Variants in ATL3 observed in about 807,000 individuals in gnomAD.
ATL3 encodes atlastin GTPase 3.
A neutral mutation model predicts 69.5 loss-of-function variants in ATL3; 49 were observed. The observed-to-expected ratio is 0.71, with a 90% CI of 0.56 to 0.89. The LOEUF is 0.89. Ranked by LOEUF, ATL3 falls within the 40% of genes least tolerant of loss-of-function variation. The probability of loss-of-function intolerance (pLI) is 0.00; values close to 1 mark genes in which losing one functional copy is unlikely to be tolerated. For synonymous variants in ATL3, 214 were observed against 224.1 expected, an observed-to-expected ratio of 0.95 and a Z score of 0.40; for missense variants, 606 against 645.7, an observed-to-expected ratio of 0.94 and a Z score of 0.67.
At chr11:63,639,389 G>C (rs1007651518) in intron 8 of ATL3, among the ~76,000 whole-genome samples, 2 of 152,166 alleles carry the variant, frequency 1.3e-5, no homozygotes, top group African/African-American at 4.8e-5. Flanking sequence ...ACAGAGGGCA[G>C]GCTTTTAACA....
chr11:63,656,566 T>C (rs1209583764), intron 3 of ATL3, among the ~76,000 whole-genome samples: 1 of 151,278 alleles, frequency 6.6e-6, no homozygotes, highest in African/African-American at 2.4e-5. Flanking sequence ...AAACCCCGTC[T>C]CTACTAAAAA....
At chr11:63,671,560 A>T, upstream of ATL3, 1 of 1,423,922 alleles carries the variant, frequency 7.0e-7, no homozygotes, top group Non-Finnish European at 9.2e-7. Context: ...AGGCTAGGCG[A>T]GGCGGGGCGG....
chr11:63,649,422 G>A (rs891747107), intron 5 of ATL3, among the ~76,000 whole-genome samples: 2 of 151,696 alleles, frequency 1.3e-5, no homozygotes, highest in Non-Finnish European at 2.9e-5. Context: ...GGGATTACAC[G>A]CATGACCCAC....
chr11:63,659,202 G>A lies in ATL3; in HGVS notation c.97C>T (p.Gln33Ter), dbSNP rs764366377. 1.2e-6 allele frequency: 2 copies of A among 1,614,018 alleles called. No individual in the cohort carries two copies. Among genetic ancestry groups the A allele is most frequent in the Non-Finnish European group, 1.7e-6 (2 of 1,180,000 alleles). The change falls in exon 2 of 13, where the codon CAG becomes TAG. Residue 33 changes from glutamine to a stop codon, truncating the protein, a stop_gained. Coordinates refer to ENST00000398868, the MANE Select transcript of ATL3 (RefSeq NM_015459.5). LOFTEE classifies it high-confidence loss of function. Reference sequence around the variant, plus strand: ...AGCTCAAAGGAATGTTGATCTTTCTGAACCAAAACAACCTGCACTGGACCA... The same window carrying A: ...AGCTCAAAGGAATGTTGATCTTTCTAAACCAAAACAACCTGCACTGGACCA... ...KPGPVQVVLV[Q>*]KDQHSFELDE...
rs201059472 is a variant in ATL3, at chr11:63,631,250, G to C, written c.1329C>G (p.Thr443=). 206 of 1,614,186 alleles carry C rather than the reference G, an allele frequency of 1.3e-4. No homozygotes were observed. The East Asian group carries it at 4.3e-3, about 34-fold the overall frequency. ...GSKNVFSTFR[T]PAVLFTGIVA... is the part of the protein sequence containing the mutation. ...CAATGCCCGTGAACAGCACTGCAGG[G>C]GTTCGGAAGGTGCTGAAGACGTTCT... Residue 443 remains threonine (T), a synonymous_variant, in exon 12 of 13, where the codon ACC becomes ACG. Transcript: ENST00000398868.
intron 1 of ATL3, among the ~76,000 whole-genome samples, chr11:63,664,726 G>A (rs1317110938): frequency 2.0e-5 from 3 of 150,462 alleles, no homozygotes; most frequent in Non-Finnish European, 3.0e-5. Context: ...GGGTTCAAGC[G>A]ACTCCCGAGC....
At chr11:63,653,082 T>C (rs1940130826) in intron 3 of ATL3, among the ~76,000 whole-genome samples, 1 of 151,970 alleles carries the variant, frequency 6.6e-6, no homozygotes, top group Non-Finnish European at 1.5e-5. Context: ...ATCCCAGCAC[T>C]TCGGGAGGGA....
rs748423106 is a variant in ATL3 at position 63,628,025 on chromosome 11, C to T, written c.*1294G>A. The T allele has an allele frequency of 4.6e-5, 7 of 152,124 alleles. No individual in the cohort carries two copies. The highest frequency in any genetic ancestry group is 1.3e-4 in the Admixed American group (2 of 15,268). 9.4% of individuals were successfully genotyped at this position (152,124 alleles called of 1,614,324 possible). ...CACATGAAATTAGACATCAATTAAA[C>T]GCAGTAATATTTGTATCTTCCCTCT... On this transcript the variant is annotated 3_prime_UTR_variant, in exon 13 of 13. Coordinates refer to ENST00000398868, the MANE Select transcript of ATL3 (RefSeq NM_015459.5).
At position 63,660,228 on chromosome 11, in the gene ATL3, A is replaced by G. The variant is rs563114024; in HGVS notation, c.47-976T>C. Among the ~76,000 whole-genome samples, 33 of 152,328 alleles carry G rather than the reference A, an allele frequency of 2.2e-4. No individual in the cohort carries two copies. In the East Asian group the frequency reaches 5.6e-3, roughly 26 times the overall value. ...AAGAGTATTCACAATATCTGTTTCC[A>G]AAGGACCCACATCCAGCATCAACAT... On this transcript the variant is annotated intron_variant, in intron 1 of 12. Coordinates refer to ENST00000398868, the MANE Select transcript of ATL3 (RefSeq NM_015459.5).
intron 1 of ATL3, among the ~76,000 whole-genome samples, chr11:63,663,828 C>T (rs775668674): frequency 2.6e-5 from 4 of 152,222 alleles, no homozygotes; most frequent in Non-Finnish European, 5.9e-5. Context: ...GGGCATACAA[C>T]TGCCCAGAAG....
chr11:63,626,722 C>G lies in ATL3; in HGVS notation c.*2597G>C, dbSNP rs958342495. 5.3e-5 allele frequency: 8 copies of G among 152,280 alleles called. No homozygotes were observed. The highest frequency in any genetic ancestry group is 1.7e-4 in the African/African-American group (7 of 41,558). The allele number at this position is 152,280 out of a possible 1,614,324, so 9.4% of individuals were successfully genotyped here. ...ACGCAAACAGGCACAGTCTGAGCAT[C>G]TGAACCACAAGTAAAAGGTGAGAGA... On this transcript the variant is annotated 3_prime_UTR_variant, in exon 13 of 13. Transcript: ENST00000398868.
At chr11:63,644,671 G>A (rs1939810795) in intron 6 of ATL3, among the ~76,000 whole-genome samples, 1 of 152,124 alleles carries the variant, frequency 6.6e-6, no homozygotes, top group Admixed American at 6.6e-5. Flanking sequence ...GATTACAGGT[G>A]TGAGCCACCA....
intron 11 of ATL3, chr11:63,632,246 CCTT>C (rs1939345668): frequency 2.8e-6 from 2 of 721,386 alleles, no homozygotes; most frequent in East Asian, 2.6e-5. Context: ...TCTGGGGAAA[CCTT>C]CTGACTTGTT....
At position 63,631,538 on chromosome 11, in the gene ATL3, A is replaced by G. The variant is rs905192138; in HGVS notation, c.1108-67T>C. On this transcript the variant is annotated intron_variant, in intron 11 of 12. Transcript: ENST00000398868. ...AAAACAAGTGCCAAATAAAACATGAAAAGATAATGAAAGGATTAGAATGTT... is the reference window on the plus strand; with the variant it reads ...AAAACAAGTGCCAAATAAAACATGAGAAGATAATGAAAGGATTAGAATGTT... 2.7e-5 allele frequency: 35 copies of G among 1,286,972 alleles called. No individual in the cohort carries two copies. The African/African-American group carries it at 4.8e-4, about 18-fold the overall frequency. The allele number at this position is 1,286,972 out of a possible 1,614,324, so 79.7% of individuals were successfully genotyped here.
rs573065562 is a variant in ATL3 at position 63,631,189 on chromosome 11, T to C, written c.1390A>G (p.Ile464Val). ...LYIASGLTGFIGLEVVAQLFN... is the reference protein window; with the variant it reads ...LYIASGLTGFVGLEVVAQLFN... The stretch of plus-strand genomic sequence containing the variant: ...AACTGGGCTACAACCTCAAGACCTA[T>C]GAAGCCAGTGAGGCCTGAGGCTATG... The change falls in exon 12 of 13, where the codon ATA (isoleucine) becomes GTA (valine). Residue 464 changes from isoleucine to valine, a missense_variant. Physicochemically the swap from Ile to Val is conservative, Grantham distance 29. Transcript: ENST00000398868. 44 of 1,614,196 alleles carry C rather than the reference T, an allele frequency of 2.7e-5. No individual in the cohort carries two copies. In the South Asian group the frequency reaches 4.3e-4, roughly 16 times the overall value.
intron 8 of ATL3, among the ~76,000 whole-genome samples, chr11:63,640,461 T>C (rs1161865800): frequency 1.3e-5 from 2 of 151,792 alleles, no homozygotes; most frequent in African/African-American, 2.4e-5. Context: ...CTAGTATTTT[T>C]TTTTTTTTAG....
At chr11:63,631,565 T>C (rs1939320243) in intron 11 of ATL3, 94 bp from the exon 12 acceptor site, 3 of 1,131,890 alleles carry the variant, frequency 2.7e-6, no homozygotes, top group Non-Finnish European at 3.7e-6. Flanking sequence ...TAGAATGTTT[T>C]AAGATGTTAA....
At chr11:63,661,464 G>C (rs1164238476) in intron 1 of ATL3, among the ~76,000 whole-genome samples, 1 of 152,068 alleles carries the variant, frequency 6.6e-6, no homozygotes, top group Non-Finnish European at 1.5e-5. Context: ...TGAAATTCAG[G>C]CCAGGCACAG....
intron 3 of ATL3, 54 bp from the exon 4 acceptor site, chr11:63,652,629 G>C: frequency 7.4e-7 from 1 of 1,349,396 alleles, no homozygotes. Context: ...GGAGGAAACC[G>C]TAAAGGAGAA....
Sources: allele counts gnomAD v4.1 joint callset (sites outside exome capture counted in the v4.1 genomes callset), GRCh38; gene constraint gnomAD v4.1.1; transcripts MANE v1.5; gene names NCBI Gene and HGNC (gene_info 2026-07-23, HGNC 2026-07-21).